Variants in ST6GALNAC3 observed in about 807,000 individuals in gnomAD.
ST6GALNAC3 encodes ST6 N-acetylgalactosaminide alpha-2,6-sialyltransferase 3, also known as alpha-N-acetylgalactosaminide alpha-2,6-sialyltransferase 3.
ST6GALNAC3 carries 25 observed loss-of-function variants against 32.7 expected under a neutral mutation model. That is an observed-to-expected ratio of 0.76 (90% CI 0.56 to 1.07). The LOEUF (loss-of-function observed/expected upper bound fraction) is 1.07. ST6GALNAC3 is among the 50% of genes least tolerant of loss of function. The pLI is 0.00. For missense variants in ST6GALNAC3, 355 were observed against 382.4 expected, an observed-to-expected ratio of 0.93 and a Z score of 0.60; for synonymous variants, 129 against 133.1, an observed-to-expected ratio of 0.97 and a Z score of 0.21.
chr1:76,545,489 G>A (rs1664239031), intron 3 of ST6GALNAC3, among the ~76,000 whole-genome samples: 1 of 151,966 alleles, frequency 6.6e-6, no homozygotes, highest in South Asian at 2.1e-4. Flanking sequence ...CAACCAGGTT[G>A]AATATGGGAG....
chr1:76,306,327 T>A (rs1356663225), intron 1 of ST6GALNAC3, among the ~76,000 whole-genome samples: 1 of 152,058 alleles, frequency 6.6e-6, no homozygotes, highest in African/African-American at 2.4e-5. Context: ...GGAACCAACC[T>A]GATGGAATGG....
At chr1:76,369,548 A>G (rs1435304390) in intron 2 of ST6GALNAC3, among the ~76,000 whole-genome samples, 1 of 152,170 alleles carries the variant, frequency 6.6e-6, no homozygotes. Context: ...ACAGCTAGTA[A>G]TGATGGAGCT....
At chr1:76,284,072 G>A (rs1659646288) in intron 1 of ST6GALNAC3, among the ~76,000 whole-genome samples, 3 of 152,096 alleles carry the variant, frequency 2.0e-5, no homozygotes. Context: ...AAATGCATAG[G>A]ATGTTAAAAG....
intron 1 of ST6GALNAC3, among the ~76,000 whole-genome samples, chr1:76,141,624 A>G (rs1456478946): frequency 2.6e-5 from 4 of 152,240 alleles, no homozygotes; most frequent in African/African-American, 4.8e-5. Flanking sequence ...GTACAGATGG[A>G]TTTTTGCCAT....
rs187448873 is a variant in ST6GALNAC3, at chr1:76,572,482, A to C, written c.624-54970A>C. ...CTTGGTAGCTTCCCCAAGAATAGTTAATTGTCCATGTGACCAGGACTTTAT... is the reference window on the plus strand; with the variant it reads ...CTTGGTAGCTTCCCCAAGAATAGTTCATTGTCCATGTGACCAGGACTTTAT... On this transcript the variant is annotated intron_variant, in intron 3 of 4. Coordinates refer to ENST00000328299, the MANE Select transcript of ST6GALNAC3 (RefSeq NM_152996.4). Among the ~76,000 whole-genome samples, 41 of 152,190 alleles carry C rather than the reference A, an allele frequency of 2.7e-4. No homozygotes were observed. The East Asian group carries it at 6.2e-3, about 23-fold the overall frequency.
Position 76,628,627 on chromosome 1 carries a change from G to A in ST6GALNAC3, c.739G>A (p.Gly247Arg), listed in dbSNP as rs1312411925. ...TTTTTTTTTCTTTTCTAGGACAGAA[G>A]GGTATAGAAAAGTCCCCTACCATTA... The part of the protein sequence containing the change: ...MINDTYCKTE[G>R]YRKVPYHYYE... Residue 247 changes from glycine (G) to arginine (R), a missense_variant, in exon 5 of 5, where the codon GGG becomes AGG. Gly to Arg is a moderately radical substitution (Grantham distance 125). Coordinates refer to ENST00000328299, the MANE Select transcript of ST6GALNAC3 (RefSeq NM_152996.4). 1.9e-6 allele frequency: 3 copies of A among 1,597,724 alleles called. No individual in the cohort carries two copies. Among genetic ancestry groups the A allele is most frequent in the Non-Finnish European group, 2.6e-6 (3 of 1,175,204 alleles).
At position 76,629,652 on chromosome 1, in the gene ST6GALNAC3, C is replaced by CA. The variant is rs1423448762; in HGVS notation, c.*847dup. 1.0e-6 allele frequency: 1 copy of CA among 985,158 alleles called. No homozygotes were observed. The highest frequency in any genetic ancestry group is 1.2e-6 in the Non-Finnish European group (1 of 829,556). The allele number at this position is 985,158 out of a possible 1,614,324, so 61.0% of individuals were successfully genotyped here. A position where few individuals can be genotyped will look rare whatever the true frequency, so the allele number is the denominator to read the frequency against. On this transcript the variant is annotated 3_prime_UTR_variant, in exon 5 of 5. Coordinates refer to ENST00000328299, the MANE Select transcript of ST6GALNAC3 (RefSeq NM_152996.4). ...ACTGTAATAACATATACTGTGAAAACATTCCTAAAAAGTAACCAAAGGGTT... is the reference window on the plus strand; with the variant it reads ...ACTGTAATAACATATACTGTGAAAACAATTCCTAAAAAGTAACCAAAGGGTT...
chr1:76,346,832 G>A (rs1031297753), intron 2 of ST6GALNAC3, among the ~76,000 whole-genome samples: 3 of 152,096 alleles, frequency 2.0e-5, no homozygotes, highest in Admixed American at 2.0e-4. Flanking sequence ...TGTATACACT[G>A]TTCTTAGCAT....
At chr1:76,399,413 A>G (rs1453652123) in intron 2 of ST6GALNAC3, among the ~76,000 whole-genome samples, 1 of 152,188 alleles carries the variant, frequency 6.6e-6, no homozygotes, top group African/African-American at 2.4e-5. Context: ...GTTTTTAAAA[A>G]TGTCTCATTT....
At chr1:76,103,486 T>C (rs945946309) in intron 1 of ST6GALNAC3, among the ~76,000 whole-genome samples, 3 of 152,258 alleles carry the variant, frequency 2.0e-5, no homozygotes, top group African/African-American at 4.8e-5. Flanking sequence ...TTATTAATTT[T>C]AGTTAATGTA....
chr1:76,091,306 C>G (rs561617778), intron 1 of ST6GALNAC3, among the ~76,000 whole-genome samples: 1 of 152,254 alleles, frequency 6.6e-6, no homozygotes, highest in South Asian at 2.1e-4. Context: ...CAGAGCAGTC[C>G]TAAATTTAAA....
intron 2 of ST6GALNAC3, among the ~76,000 whole-genome samples, chr1:76,340,116 C>T (rs1042277764): frequency 6.6e-6 from 1 of 152,192 alleles, no homozygotes; most frequent in East Asian, 1.9e-4. Context: ...ATGAAACCCC[C>T]TGGTGAATTT....
chr1:76,365,796 T>C (rs990341885), intron 2 of ST6GALNAC3, among the ~76,000 whole-genome samples: 4 of 152,226 alleles, frequency 2.6e-5, no homozygotes, highest in Non-Finnish European at 5.9e-5. Context: ...ACCCTGTCTC[T>C]AATTTTCTGA....
chr1:76,299,699 G>A (rs1185979962), intron 1 of ST6GALNAC3, among the ~76,000 whole-genome samples: 1 of 151,974 alleles, frequency 6.6e-6, no homozygotes, highest in Non-Finnish European at 1.5e-5. Flanking sequence ...CCACAACTAT[G>A]TATTGGTAAT....
intron 3 of ST6GALNAC3, among the ~76,000 whole-genome samples, chr1:76,620,184 A>G (rs1034289319): frequency 6.6e-6 from 1 of 152,072 alleles, no homozygotes; most frequent in African/African-American, 2.4e-5. Context: ...GCAGCTTGAT[A>G]TATAAGATTG....
chr1:76,552,399 C>T (rs1664690896), intron 3 of ST6GALNAC3, among the ~76,000 whole-genome samples: 1 of 152,176 alleles, frequency 6.6e-6, no homozygotes, highest in African/African-American at 2.4e-5. Context: ...TTTCACTTTT[C>T]TGCTGAATTC....
At chr1:76,624,130 A>C (rs535763626) in intron 3 of ST6GALNAC3, among the ~76,000 whole-genome samples, 1 of 152,106 alleles carries the variant, frequency 6.6e-6, no homozygotes, top group East Asian at 1.9e-4. Flanking sequence ...AGGACAGGGC[A>C]CTTGGGCAGT....
intron 3 of ST6GALNAC3, among the ~76,000 whole-genome samples, chr1:76,548,945 G>T (rs1327999954): frequency 6.6e-6 from 1 of 152,130 alleles, no homozygotes; most frequent in East Asian, 1.9e-4. Context: ...TGAATAGCAG[G>T]TACTTAATAA....
At position 76,381,996 on chromosome 1, in the gene ST6GALNAC3, T is replaced by C. The variant is rs78179907; in HGVS notation, c.214-30012T>C. 3.9e-3 allele frequency among the ~76,000 whole-genome samples: 594 copies of C among 152,188 alleles called. 2 individuals carry two copies. The highest frequency in any genetic ancestry group is 0.014 in the African/African-American group (581 of 41,530). On this transcript the variant is annotated intron_variant, in intron 2 of 4. Transcript: ENST00000328299. ...TCCCAGAGAACTGAAGAGACAGAAA[T>C]TGTAGTTCAGAGCCTCCCAAGCAAG...
Sources: gnomAD v4.1 joint callset for allele counts (sites outside exome capture counted in the v4.1 genomes callset) on GRCh38, gnomAD v4.1.1 for gene constraint, MANE v1.5 for transcripts, NCBI Gene and HGNC (gene_info 2026-07-23, HGNC 2026-07-21) for gene names.